The following ROCK1 variants were observed in gnomAD, a reference collection of about 807,000 sequenced individuals.
ROCK1 encodes the protein rho-associated protein kinase 1.
ROCK1 carries 36 observed loss-of-function variants against 196.8 expected under a neutral mutation model. The observed-to-expected ratio is 0.18, with a 90% CI of 0.14 to 0.24. ROCK1 has a LOEUF of 0.24. Among genes scored for constraint, ROCK1 ranks in the 10% least tolerant of loss-of-function variants. The pLI is 1.00. For missense variants in ROCK1, 920 were observed against 1,562.0 expected, an observed-to-expected ratio of 0.59 and a Z score of 6.93; for synonymous variants, 443 against 515.9, an observed-to-expected ratio of 0.86 and a Z score of 1.91.
chr18:21,030,924 G>T (rs945816174), intron 9 of ROCK1, among the ~76,000 whole-genome samples: 2 of 152,082 alleles, frequency 1.3e-5, no homozygotes, highest in African/African-American at 4.8e-5. Flanking sequence ...GAGAACTCTG[G>T]AATCTAATAA....
chr18:20,990,427 C>T (rs901509279), intron 18 of ROCK1, among the ~76,000 whole-genome samples: 79 of 149,282 alleles, frequency 5.3e-4, no homozygotes, highest in Non-Finnish European at 1.6e-4. Flanking sequence ...AAATGGAAAG[C>T]ATTGCCAGGC....
chr18:20,974,402 A>G (rs2035460020), intron 22 of ROCK1, among the ~76,000 whole-genome samples: 1 of 152,212 alleles, frequency 6.6e-6, no homozygotes, highest in Non-Finnish European at 1.5e-5. Flanking sequence ...GGTTCACGAC[A>G]TGTTCTTATC....
chr18:20,984,834 C>G (rs965070621), intron 19 of ROCK1, among the ~76,000 whole-genome samples: 6 of 152,064 alleles, frequency 3.9e-5, no homozygotes, highest in African/African-American at 1.4e-4. Context: ...CACTTCTGGG[C>G]CAGGCACAGT....
chr18:20,967,714 C>A, intron 26 of ROCK1, 38 bp downstream of exon 26: 1 of 1,398,028 alleles, frequency 7.2e-7, no homozygotes, highest in Non-Finnish European at 9.7e-7. Context: ...AGAAAATAAT[C>A]CTTCACACTC....
intron 1 of ROCK1, among the ~76,000 whole-genome samples, chr18:21,098,863 T>G (rs546198584): frequency 6.6e-6 from 1 of 152,062 alleles, no homozygotes; most frequent in African/African-American, 2.4e-5. Context: ...AAATAGAAAA[T>G]AAAATTCAAA....
At position 21,049,188 on chromosome 18, in the gene ROCK1, A is replaced by T; in HGVS notation, c.318T>A (p.Leu106=). The T allele has an allele frequency of 6.2e-7, 1 of 1,612,092 alleles. No homozygotes were observed. Among genetic ancestry groups the T allele is most frequent in the Non-Finnish European group, 8.5e-7 (1 of 1,178,708 alleles). Reference sequence around the variant, plus strand: ...TCTTTATCATTTCAAATTTGCTGAGAAGCTTCATAGCATATACCTTCCTGG... The same window carrying T: ...TCTTTATCATTTCAAATTTGCTGAGTAGCTTCATAGCATATACCTTCCTGG... ...KSTRKVYAMK[L]LSKFEMIKRS... is the part of the protein sequence containing the mutation. The change falls in exon 4 of 33, where the codon CTT becomes CTA. Residue 106 remains leucine, a synonymous_variant. Transcript: ENST00000399799.
intron 13 of ROCK1, among the ~76,000 whole-genome samples, chr18:21,009,021 T>C (rs528593364): frequency 3.1e-4 from 47 of 152,228 alleles, no homozygotes; most frequent in African/African-American, 1.1e-3. Flanking sequence ...ACAATTTCTT[T>C]CCAGTCACTA....
Position 21,006,644 on chromosome 18 carries a change from T to C in ROCK1, c.1639-47A>G, listed in dbSNP as rs113637998. 5.7e-3 allele frequency: 9,027 copies of C among 1,590,576 alleles called. 462 individuals are homozygous for C. The African/African-American group carries it at 0.1, about 18-fold the overall frequency. On this transcript the variant is annotated intron_variant, in intron 15 of 32. Coordinates refer to ENST00000399799, the MANE Select transcript of ROCK1 (RefSeq NM_005406.3). Reference sequence around the variant, plus strand: ...AAATAGGTTTCTGACCAAAGTACGATATAATTTAATTATCTACAATTTTTT... The same window carrying C: ...AAATAGGTTTCTGACCAAAGTACGACATAATTTAATTATCTACAATTTTTT...
chr18:20,984,501 G>T lies in ROCK1; in HGVS notation c.2339C>A (p.Ser780Ter). ...ATTTTGTAACAACAGCCGCTTATTT[G>T]ATTCCTGCTCCAGTTGCAGGGTTAG... ...KNLTLQLEQESNKRLLLQNEL... is the reference protein window; with the variant it reads ...KNLTLQLEQE Residue 780 changes from serine (S) to a stop codon, truncating the protein, a stop_gained, in exon 20 of 33, where the codon TCA (serine) becomes TAA (stop). Coordinates refer to ENST00000399799, the MANE Select transcript of ROCK1 (RefSeq NM_005406.3). LOFTEE classifies it high-confidence loss of function. The T allele has an allele frequency of 6.2e-7, 1 of 1,612,786 alleles. No homozygotes were observed. Among genetic ancestry groups the T allele is most frequent in the South Asian group, 1.1e-5 (1 of 90,860 alleles).
At chr18:21,061,165 A>G (rs1175034569) in intron 2 of ROCK1, among the ~76,000 whole-genome samples, 3 of 150,006 alleles carry the variant, frequency 2.0e-5, no homozygotes, top group African/African-American at 7.4e-5. Context: ...TGCAACCTCC[A>G]CTTCCCAGGT....
chr18:21,029,183 TTGAC>T (rs1423283880), intron 9 of ROCK1, among the ~76,000 whole-genome samples: 1 of 152,200 alleles, frequency 6.6e-6, no homozygotes, highest in Non-Finnish European at 1.5e-5. Context: ...TGGGTTTAAC[TTGAC>T]TATTACAAAT....
intron 10 of ROCK1, 53 bp from the exon 11 acceptor site, chr18:21,023,733 C>T: frequency 1.1e-6 from 1 of 939,380 alleles, no homozygotes; most frequent in Non-Finnish European, 1.6e-6. Flanking sequence ...TCTGTAATAT[C>T]CCATGACAAC....
chr18:20,962,999 T>C (rs1364262848), intron 27 of ROCK1, among the ~76,000 whole-genome samples: 4 of 152,140 alleles, frequency 2.6e-5, no homozygotes, highest in Non-Finnish European at 4.4e-5. Flanking sequence ...GTAACTTAAG[T>C]GGTGATCTGG....
chr18:21,062,427 T>C (rs1241660941), intron 2 of ROCK1, among the ~76,000 whole-genome samples: 1 of 152,086 alleles, frequency 6.6e-6, no homozygotes, highest in Non-Finnish European at 1.5e-5. Context: ...TTGCTAAAAA[T>C]AGTGGCAAAA....
chr18:21,084,491 C>T (rs1389262332), intron 1 of ROCK1, among the ~76,000 whole-genome samples: 1 of 152,054 alleles, frequency 6.6e-6, no homozygotes, highest in African/African-American at 2.4e-5. Flanking sequence ...GGCCAATAAG[C>T]ACATGAAAAG....
At chr18:21,057,031 A>G (rs1328578233) in intron 2 of ROCK1, among the ~76,000 whole-genome samples, 1 of 152,198 alleles carries the variant, frequency 6.6e-6, no homozygotes, top group Non-Finnish European at 1.5e-5. Context: ...GATCCTTCTT[A>G]AACTGTTGTA....
At chr18:20,983,574 T>C (rs913889914) in intron 20 of ROCK1, among the ~76,000 whole-genome samples, 8 of 151,996 alleles carry the variant, frequency 5.3e-5, no homozygotes, top group African/African-American at 1.2e-4. Context: ...TAGACAGTAA[T>C]AGCTTTGTAT....
At chr18:21,008,263 G>A in intron 13 of ROCK1, 69 bp from the exon 14 acceptor site, 8 of 1,129,680 alleles carry the variant, frequency 7.1e-6, no homozygotes, top group South Asian at 3.7e-5. Context: ...TGAGTATTTT[G>A]TTCTTAAAAA....
At chr18:21,080,273 G>T (rs186307587) in intron 1 of ROCK1, among the ~76,000 whole-genome samples, 9 of 152,236 alleles carry the variant, frequency 5.9e-5, no homozygotes, top group East Asian at 1.9e-4. Context: ...ACACGGCTGG[G>T]AGGAATGAAA....
Sources: allele counts gnomAD v4.1 joint callset (sites outside exome capture counted in the v4.1 genomes callset), GRCh38; gene constraint gnomAD v4.1.1; transcripts MANE v1.5; gene names NCBI Gene and HGNC (gene_info 2026-07-23, HGNC 2026-07-21).